Variants in FMNL2 observed in about 807,000 individuals in gnomAD.
The protein encoded by FMNL2 is formin like 2.
A neutral mutation model predicts 130.2 loss-of-function variants in FMNL2; 51 were observed. That is an observed-to-expected ratio of 0.39 (90% CI 0.31 to 0.49). The LOEUF (loss-of-function observed/expected upper bound fraction) is 0.49. Among genes scored for constraint, FMNL2 ranks in the 20% least tolerant of loss-of-function variants. The pLI is 0.85. For synonymous variants in FMNL2, 465 were observed against 467.1 expected (o/e 1.00, Z 0.06); for missense variants, 977 against 1,316.2 (o/e 0.74, Z 3.99).
chr2:152,444,299 C>A (rs1688224182), intron 1 of FMNL2, among the ~76,000 whole-genome samples: 1 of 152,024 alleles, frequency 6.6e-6, no homozygotes, highest in South Asian at 2.1e-4. Context: ...AGAGGCATGT[C>A]CATGGGAGTA....
chr2:152,640,697 C>T, intron 24 of FMNL2, 94 bp from the exon 25 acceptor site: 1 of 1,473,076 alleles, frequency 6.8e-7, no homozygotes, highest in Non-Finnish European at 9.1e-7. Context: ...GCCGAAGCTG[C>T]TTATTAGTAA....
chr2:152,627,297 T>C lies in FMNL2; in HGVS notation c.2165+570T>C, dbSNP rs181950371. ...TTCAGGACATTTTAAACAAAGTTCA[T>C]TTTTTACTCTTGAACTGCATAGAAG... On this transcript the variant is annotated intron_variant, in intron 17 of 25. Coordinates refer to ENST00000288670, the MANE Select transcript of FMNL2 (RefSeq NM_052905.4). Among the ~76,000 whole-genome samples the C allele has an allele frequency of 2.4e-3, 363 of 152,360 alleles. 2 individuals carry two copies. Among genetic ancestry groups the C allele is most frequent in the African/African-American group, 8.5e-3 (352 of 41,594 alleles).
intron 15 of FMNL2, among the ~76,000 whole-genome samples, chr2:152,623,343 G>A (rs6434128): frequency 0.39 from 58,674 of 152,090 alleles, 11,877 homozygotes; most frequent in East Asian, 0.7. Flanking sequence ...TTGTCCCATC[G>A]AGAACATCTG....
chr2:152,357,637 G>T (rs1203278968), intron 1 of FMNL2, among the ~76,000 whole-genome samples: 1 of 148,144 alleles, frequency 6.8e-6, no homozygotes, highest in African/African-American at 2.5e-5. Flanking sequence ...TATTAAATCA[G>T]TTTAATGTAT....
chr2:152,373,127 T>C (rs1683975173), intron 1 of FMNL2, among the ~76,000 whole-genome samples: 1 of 152,258 alleles, frequency 6.6e-6, no homozygotes, highest in South Asian at 2.1e-4. Flanking sequence ...AAAGTTATCT[T>C]GATTGTCCCT....
chr2:152,643,620 T>C (rs1683290457), intron 25 of FMNL2: 26 of 1,501,080 alleles, frequency 1.7e-5, no homozygotes, highest in Non-Finnish European at 2.1e-5. Flanking sequence ...TAGCATGGAA[T>C]TGCCATCTCC....
chr2:152,565,293 G>C (rs1465009459), intron 6 of FMNL2, among the ~76,000 whole-genome samples: 2 of 152,216 alleles, frequency 1.3e-5, no homozygotes, highest in African/African-American at 4.8e-5. Context: ...ATTTAAACTG[G>C]ACTTTAGGCA....
At chr2:152,440,393 G>A (rs1438269111) in intron 1 of FMNL2, among the ~76,000 whole-genome samples, 1 of 152,196 alleles carries the variant, frequency 6.6e-6, no homozygotes, top group Non-Finnish European at 1.5e-5. Flanking sequence ...AAATCTCACA[G>A]TTGTCAGTAC....
At chr2:152,401,939 TC>T (rs1234647416) in intron 1 of FMNL2, among the ~76,000 whole-genome samples, 51 of 149,086 alleles carry the variant, frequency 3.4e-4, no homozygotes, top group African/African-American at 1.3e-3. Flanking sequence ...GGAGTCTCTT[TC>T]TGTCACCCAG....
At chr2:152,643,205 T>A (rs1273596128) in intron 25 of FMNL2, among the ~76,000 whole-genome samples, 1 of 152,132 alleles carries the variant, frequency 6.6e-6, no homozygotes, top group Non-Finnish European at 1.5e-5. Context: ...CTTGGAGTAT[T>A]TTTCATTTTC....
intron 6 of FMNL2, among the ~76,000 whole-genome samples, chr2:152,574,407 G>A (rs904873833): frequency 2.1e-5 from 3 of 141,354 alleles, no homozygotes; most frequent in African/African-American, 8.1e-5. Flanking sequence ...CTGCACGCCA[G>A]CCTGGTGACA....
chr2:152,526,500 A>G (rs994889393), intron 2 of FMNL2, among the ~76,000 whole-genome samples: 2 of 151,662 alleles, frequency 1.3e-5, no homozygotes, highest in African/African-American at 4.8e-5. Flanking sequence ...CTGGCTTCTC[A>G]CTCCCAGCTG....
intron 5 of FMNL2, among the ~76,000 whole-genome samples, chr2:152,559,405 G>A (rs1302176884): frequency 6.6e-6 from 1 of 152,140 alleles, no homozygotes; most frequent in Admixed American, 6.5e-5. Context: ...CTCTGATCAA[G>A]TGATTCTCCT....
chr2:152,603,125 G>A (rs1459423954), intron 9 of FMNL2, among the ~76,000 whole-genome samples: 1 of 152,138 alleles, frequency 6.6e-6, no homozygotes, highest in Non-Finnish European at 1.5e-5. Context: ...TCCTTCCTCA[G>A]AAACAAAGTG....
intron 1 of FMNL2, among the ~76,000 whole-genome samples, chr2:152,374,014 A>G (rs1668478670): frequency 6.6e-6 from 1 of 152,168 alleles, no homozygotes; most frequent in South Asian, 2.1e-4. Context: ...GAGGAAAAGA[A>G]TATTTGAAAC....
At chr2:152,532,885 G>A (rs1456139725) in intron 2 of FMNL2, among the ~76,000 whole-genome samples, 1 of 152,146 alleles carries the variant, frequency 6.6e-6, no homozygotes, top group East Asian at 1.9e-4. Context: ...TGGGATTACA[G>A]GTGTGAGCCA....
At chr2:152,500,381 C>G (rs1691745214) in intron 1 of FMNL2, among the ~76,000 whole-genome samples, 1 of 152,214 alleles carries the variant, frequency 6.6e-6, no homozygotes, top group South Asian at 2.1e-4. Context: ...CTATCTCCTC[C>G]TCCTCTCTGC....
At chr2:152,359,494 T>TTCTC (rs1553866944) in intron 1 of FMNL2, among the ~76,000 whole-genome samples, 2 of 147,878 alleles carry the variant, frequency 1.4e-5, no homozygotes, top group Non-Finnish European at 3.0e-5. Context: ...TTTTTTTTTT[T>TTCTC]CACATAACAG....
At chr2:152,350,941 A>T (rs1682445636) in intron 1 of FMNL2, among the ~76,000 whole-genome samples, 1 of 152,106 alleles carries the variant, frequency 6.6e-6, no homozygotes, top group African/African-American at 2.4e-5. Flanking sequence ...GCTACTTGGG[A>T]GGCTGAGGCA....
Sources: gnomAD v4.1 joint callset for allele counts (sites outside exome capture counted in the v4.1 genomes callset) on GRCh38, gnomAD v4.1.1 for gene constraint, MANE v1.5 for transcripts, NCBI Gene and HGNC (gene_info 2026-07-23, HGNC 2026-07-21) for gene names.